The following LINGO2 variants were observed in gnomAD, a reference collection of about 807,000 sequenced individuals.
LINGO2 encodes the protein leucine rich repeat and Ig domain containing 2, also known as leucine-rich repeat and immunoglobulin-like domain-containing nogo receptor-interacting protein 2.
In LINGO2, 14 loss-of-function variants were observed where a neutral mutation model predicts 30.6. The ratio of observed to expected loss-of-function variants is 0.46; its 90% CI spans 0.30 to 0.72. LINGO2 has a LOEUF of 0.72. Ranked by LOEUF, LINGO2 falls within the 30% of genes least tolerant of loss-of-function variation. The pLI, the probability that LINGO2 is intolerant of heterozygous loss-of-function variation, is 0.07. For missense variants in LINGO2, 729 were observed against 751.7 expected, an observed-to-expected ratio of 0.97 and a Z score of 0.35; for synonymous variants, 317 against 288.5, an observed-to-expected ratio of 1.10 and a Z score of -1.00.
At chr9:29,015,150 G>A in the LINGO2 span, among the ~76,000 whole-genome samples, 1 of 152,062 alleles carries the variant, frequency 6.6e-6, no homozygotes, top group East Asian at 1.9e-4. Context: ...AGACTCAGAA[G>A]GGTGAGAGGA....
intron 4 of LINGO2, among the ~76,000 whole-genome samples, chr9:28,043,429 G>A (rs1249953196): frequency 1.3e-5 from 2 of 152,190 alleles, no homozygotes; most frequent in Non-Finnish European, 2.9e-5. Flanking sequence ...TATGTAGAAG[G>A]AGAGTATGGC....
At chr9:28,821,990 T>C in the LINGO2 span, among the ~76,000 whole-genome samples, 3 of 152,054 alleles carry the variant, frequency 2.0e-5, no homozygotes, top group African/African-American at 7.2e-5. Flanking sequence ...TCTTCTAAAA[T>C]CAAACCTACC....
At chr9:27,990,138 A>G (rs1587628349) in intron 5 of LINGO2, among the ~76,000 whole-genome samples, 1 of 152,158 alleles carries the variant, frequency 6.6e-6, no homozygotes, top group African/African-American at 2.4e-5. Flanking sequence ...ATCTTTTTAC[A>G]CATACATTGT....
the LINGO2 span, among the ~76,000 whole-genome samples, chr9:28,694,220 C>T: frequency 1.3e-5 from 2 of 151,510 alleles, no homozygotes; most frequent in Admixed American, 6.6e-5. Flanking sequence ...GATCCCAGTT[C>T]AATTTTCTAT....
At chr9:28,253,714 C>A (rs370647278) in intron 4 of LINGO2, among the ~76,000 whole-genome samples, 1 of 152,222 alleles carries the variant, frequency 6.6e-6, no homozygotes, top group East Asian at 1.9e-4. Flanking sequence ...CCTTAACCTG[C>A]GGCCTGGGGC....
the LINGO2 span, among the ~76,000 whole-genome samples, chr9:28,761,975 G>A: frequency 9.9e-5 from 15 of 151,766 alleles, no homozygotes; most frequent in African/African-American, 2.7e-4. Flanking sequence ...ACATCACATC[G>A]TGGTTTAATG....
chr9:28,749,335 T>C, the LINGO2 span, among the ~76,000 whole-genome samples: 1 of 152,020 alleles, frequency 6.6e-6, no homozygotes, highest in Non-Finnish European at 1.5e-5. Context: ...TATTCCCCCA[T>C]GCCTTCTTCT....
chr9:28,895,445 T>C, the LINGO2 span, among the ~76,000 whole-genome samples: 2 of 152,262 alleles, frequency 1.3e-5, no homozygotes, highest in Admixed American at 1.3e-4. Flanking sequence ...TTGAGGGACA[T>C]CTGTCCAGAA....
Position 28,148,320 on chromosome 9 carries a change from CCAGGATGTTTGGACACCT to C in LINGO2, c.-86-135933_-86-135916del, listed in dbSNP as rs1827877081. 9.2e-6 allele frequency: 8 copies of C among 869,700 alleles called. No homozygotes were observed. The highest frequency in any genetic ancestry group is 7.1e-5 in the South Asian group (5 of 70,270). 53.9% of individuals were successfully genotyped at this position (869,700 alleles called of 1,614,324 possible). ...AAACCCATGCTGTCTGCTCACAACT[CCAGGATGTTTGGACACCT>C]CAGCCCCGTGAGGATTCCTCATCTC... On this transcript the variant is annotated intron_variant, in intron 4 of 5. Transcript: ENST00000379992. This position sits in a 1 kb window ranked among gnomAD's most constrained non-coding sequence, Gnocchi z 5.1.
the LINGO2 span, among the ~76,000 whole-genome samples, chr9:29,205,854 C>T: frequency 6.6e-6 from 1 of 152,164 alleles, no homozygotes; most frequent in Admixed American, 6.5e-5. Context: ...GTTCCATTGT[C>T]CCAAAAGATT....
the LINGO2 span, among the ~76,000 whole-genome samples, chr9:29,209,283 T>C: frequency 6.6e-6 from 1 of 152,072 alleles, no homozygotes; most frequent in Non-Finnish European, 1.5e-5. Flanking sequence ...CAAGATGCAT[T>C]TACAATTTAA....
chr9:28,791,591 C>T, the LINGO2 span, among the ~76,000 whole-genome samples: 2 of 151,952 alleles, frequency 1.3e-5, no homozygotes, highest in African/African-American at 4.8e-5. Flanking sequence ...TTGAATATAT[C>T]TTATCCTAAG....
At chr9:29,097,116 T>C in the LINGO2 span, among the ~76,000 whole-genome samples, 1 of 138,816 alleles carries the variant, frequency 7.2e-6, no homozygotes, top group African/African-American at 2.7e-5. Context: ...AAATATGTAT[T>C]TAATAAGAAT....
chr9:28,235,211 T>A (rs1396624771), intron 4 of LINGO2, among the ~76,000 whole-genome samples: 3 of 152,110 alleles, frequency 2.0e-5, no homozygotes, highest in Non-Finnish European at 4.4e-5. Flanking sequence ...GAAAGTAAGA[T>A]AAAAGAACGA....
chr9:28,054,567 A>AT (rs1329049996), intron 4 of LINGO2, among the ~76,000 whole-genome samples: 2 of 152,128 alleles, frequency 1.3e-5, no homozygotes, highest in African/African-American at 2.4e-5. Context: ...TGTTTAAAAA[A>AT]TTTTAGAAGA....
intron 2 of LINGO2, among the ~76,000 whole-genome samples, chr9:28,421,976 CT>C (rs1823216053): frequency 6.6e-6 from 1 of 151,982 alleles, no homozygotes; most frequent in Non-Finnish European, 1.5e-5. Flanking sequence ...AAGATGGACC[CT>C]TACCTTACCT....
At chr9:28,798,268 G>T in the LINGO2 span, among the ~76,000 whole-genome samples, 1 of 62,454 alleles carries the variant, frequency 1.6e-5, no homozygotes, top group African/African-American at 6.3e-5. Context: ...AAATGATGTA[G>T]TAGGATGGAA....
At chr9:28,167,762 TG>T (rs1410989250) in intron 4 of LINGO2, among the ~76,000 whole-genome samples, 1 of 152,216 alleles carries the variant, frequency 6.6e-6, no homozygotes, top group African/African-American at 2.4e-5. Flanking sequence ...TAATAATTCT[TG>T]TTCTAGGTTA....
the LINGO2 span, among the ~76,000 whole-genome samples, chr9:28,706,667 G>C: frequency 2.0e-5 from 3 of 152,008 alleles, no homozygotes; most frequent in African/African-American, 7.2e-5. Flanking sequence ...ATTGAAATCT[G>C]TTGAAGTTGG....
Sources: allele counts gnomAD v4.1 joint callset (sites outside exome capture counted in the v4.1 genomes callset), GRCh38; gene constraint gnomAD v4.1.1; non-coding constraint Gnocchi (gnomAD v3.1); transcripts MANE v1.5; gene names NCBI Gene and HGNC (gene_info 2026-07-23, HGNC 2026-07-21).